Variants in POU5F1B observed in about 807,000 individuals in gnomAD.
The protein encoded by POU5F1B is POU class 5 homeobox 1B.
In POU5F1B, 24 loss-of-function variants were observed where a neutral mutation model predicts 28.1. That is an observed-to-expected ratio of 0.85 (90% CI 0.62 to 1.20). The LOEUF (loss-of-function observed/expected upper bound fraction) is 1.20. Ranked by LOEUF, POU5F1B falls within the 50% of genes most tolerant of loss-of-function variation. The pLI, the probability that POU5F1B is intolerant of heterozygous loss-of-function variation, is 0.00. For synonymous variants in POU5F1B, 220 were observed against 193.2 expected, an observed-to-expected ratio of 1.14 and a Z score of -1.15; for missense variants, 451 against 451.5, an observed-to-expected ratio of 1.00 and a Z score of 0.01.
chr8:127,415,914 C>T (rs1061391), exon 3 of POU5F1B: 9 of 1,548,102 alleles, frequency 5.8e-6, no homozygotes, highest in Non-Finnish European at 7.9e-6. Context: ...CCCCTCCAGG[C>T]GGTGGGGGTG....
At chr8:127,413,570 A>G (rs901854038) in intron 1 of POU5F1B, among the ~76,000 whole-genome samples, 7 of 152,234 alleles carry the variant, frequency 4.6e-5, no homozygotes, top group South Asian at 4.1e-4. Flanking sequence ...GTTGTACTAC[A>G]TAGTCAAACG....
At chr8:127,416,551 G>A (rs1385351737) in exon 3 of POU5F1B, 2 of 1,606,208 alleles carry the variant, frequency 1.2e-6, no homozygotes, top group Admixed American at 1.7e-5. Context: ...CCTCATGCAG[G>A]CCCGAAAGAG....
rs1400029915 is a variant in POU5F1B at position 127,414,380 on chromosome 8, A to G, written c.-559-508A>G. Among the ~76,000 whole-genome samples, 3 of 152,212 alleles carry G rather than the reference A, an allele frequency of 2.0e-5. No individual in the cohort carries two copies. The East Asian group carries it at 5.8e-4, about 29-fold the overall frequency. On this transcript the variant is annotated intron_variant, in intron 1 of 2. Transcript: ENST00000465342. ...GACTTTGGTGTTCTGACTCAGACAC[A>G]TATTTGAGAGGTAGAGAGGGGAGAA...
chr8:127,415,527 T>G, exon 3 of POU5F1B: 1 of 266,574 alleles, frequency 3.8e-6, no homozygotes, highest in Non-Finnish European at 7.0e-6. Context: ...AGCATCATGG[T>G]ATGGCAGAAG....
At chr8:127,416,688 A>T (rs1435456188) in exon 3 of POU5F1B, 4 of 1,608,364 alleles carry the variant, frequency 2.5e-6, no homozygotes, top group Non-Finnish European at 8.5e-7. Flanking sequence ...ATGTGGTCCG[A>T]GTGTGGTTCT....
At chr8:127,415,954 G>T (rs1815126201) in exon 3 of POU5F1B, 1 of 1,571,980 alleles carries the variant, frequency 6.4e-7, no homozygotes, top group African/African-American at 1.3e-5. Flanking sequence ...GCCGGGCTGG[G>T]TTGATCCTCT....
At chr8:127,416,469 G>C (rs1448460817) in exon 3 of POU5F1B, 4 of 1,609,274 alleles carry the variant, frequency 2.5e-6, no homozygotes, top group African/African-American at 2.7e-5. Context: ...GTAAGCTGCG[G>C]CCCTTGCTGC....
exon 3 of POU5F1B, chr8:127,416,194 G>C (rs747888292): frequency 6.2e-7 from 1 of 1,613,844 alleles, no homozygotes; most frequent in Non-Finnish European, 8.5e-7. Context: ...CTCCAATGGG[G>C]CCTCCCCGGA....
rs1410800746 is a variant in POU5F1B, at chr8:127,416,114, G to A, written c.248G>A (p.Gly83Glu). The A allele has an allele frequency of 2.5e-6, 4 of 1,613,288 alleles. No individual in the cohort carries two copies. The Admixed American group carries it at 5.0e-5, about 20-fold the overall frequency. The change falls in exon 3 of 3, where the codon GGG becomes GAG. Residue 83 changes from glycine to glutamate, a missense_variant. Transcript: ENST00000465342. ...TACTGTGGGCCTCAGGTTGGAGTGGGGCTAGTGCCCCAAGGCGGCTTGGAG... is the reference window on the plus strand; with the variant it reads ...TACTGTGGGCCTCAGGTTGGAGTGGAGCTAGTGCCCCAAGGCGGCTTGGAG...
exon 3 of POU5F1B, chr8:127,416,456 T>C (rs763703745): frequency 1.2e-6 from 2 of 1,608,962 alleles, no homozygotes. Context: ...TTCAAGAACA[T>C]GTGTAAGCTG....
At chr8:127,416,982 G>A in exon 3 of POU5F1B, 5 of 1,583,182 alleles carry the variant, frequency 3.2e-6, no homozygotes, top group Non-Finnish European at 4.3e-6. Context: ...AACAGGGGAG[G>A]GGAGGAGCTA....
chr8:127,415,772 T>G, exon 3 of POU5F1B: 13 of 1,446,206 alleles, frequency 9.0e-6, no homozygotes, highest in South Asian at 1.5e-5. Flanking sequence ...AGTGAGCGTA[T>G]GACACACACA....
chr8:127,416,974 CAG>C (rs755512421), exon 3 of POU5F1B: 212 of 1,589,760 alleles, frequency 1.3e-4, no homozygotes, highest in Non-Finnish European at 4.3e-6. Flanking sequence ...GAATGGGGAA[CAG>C]GGGAGGGGAG....
At chr8:127,416,741 C>A in exon 3 of POU5F1B, 1 of 1,609,178 alleles carries the variant, frequency 6.2e-7, no homozygotes, top group Non-Finnish European at 8.5e-7. Context: ...AGCGACTATG[C>A]ACAACGAGAG....
chr8:127,417,155 G>A (rs1237384351), exon 3 of POU5F1B: 13 of 525,968 alleles, frequency 2.5e-5, no homozygotes, highest in African/African-American at 4.1e-5. Context: ...CCCACATCAT[G>A]TATCACTTTT....
In POU5F1B at chr8:127,416,421, C is replaced by A. The variant is rs1428762035; in HGVS notation, c.555C>A (p.Cys185Ter). Residue 185 changes from cysteine (C) to a stop codon, truncating the protein, a stop_gained, in exon 3 of 3, where the codon TGC becomes TGA. Transcript: ENST00000465342. LOFTEE classifies it high-confidence loss of function. ...AGGTGTTCAGCCAAAAGACCATCTG[C>A]CGCTTTGAGGCTCTGCAGCTTAGCT... is the stretch of plus-strand genomic sequence containing the variant. 1 of 1,608,040 alleles carries A rather than the reference C, an allele frequency of 6.2e-7. No individual in the cohort carries two copies. Among genetic ancestry groups the A allele is most frequent in the Middle Eastern group, 1.7e-4 (1 of 6,054 alleles).
chr8:127,416,295 G>A (rs1294739141), exon 3 of POU5F1B: 17 of 1,613,798 alleles, frequency 1.1e-5, no homozygotes, highest in African/African-American at 1.3e-5. Flanking sequence ...AAGCTCTGCA[G>A]AAAGAACTCG....
At chr8:127,416,513 A>C in exon 3 of POU5F1B, 2 of 1,609,408 alleles carry the variant, frequency 1.2e-6, no homozygotes, top group Non-Finnish European at 1.7e-6. Context: ...AACAATGAAA[A>C]TCTTCAGGAG....
exon 3 of POU5F1B, chr8:127,415,888 G>A (rs1023316018): frequency 2.6e-6 from 4 of 1,534,274 alleles, no homozygotes; most frequent in Non-Finnish European, 3.5e-6. Context: ...CCTGGCTTCG[G>A]ATTTCGCCTT....
Sources: gnomAD v4.1 joint callset for allele counts (sites outside exome capture counted in the v4.1 genomes callset) on GRCh38, gnomAD v4.1.1 for gene constraint, MANE v1.5 for transcripts, NCBI Gene and HGNC (gene_info 2026-07-23, HGNC 2026-07-21) for gene names.